Variants in BEND3 observed in about 807,000 individuals in gnomAD.
BEND3 encodes the protein BEN domain containing 3, also known as BEN domain-containing protein 3.
In BEND3, 13 loss-of-function variants were observed where a neutral mutation model predicts 60.1. The ratio of observed to expected loss-of-function variants is 0.22; its 90% CI spans 0.14 to 0.34. The LOEUF (loss-of-function observed/expected upper bound fraction) is 0.34. BEND3 is among the 10% of genes least tolerant of loss of function. The pLI is 1.00. For synonymous variants in BEND3, 497 were observed against 491.5 expected (o/e 1.01, Z -0.15); for missense variants, 896 against 1,138.1 (o/e 0.79, Z 3.06).
chr6:107,106,613 T>C (rs184973968), intron 1 of BEND3, among the ~76,000 whole-genome samples: 179 of 150,116 alleles, frequency 1.2e-3, no homozygotes, highest in African/African-American at 4.2e-3. Flanking sequence ...AGTTTTTTCA[T>C]TTTTTTTTTC....
intron 3 of BEND3, among the ~76,000 whole-genome samples, chr6:107,089,238 G>T (rs552257018): frequency 6.6e-6 from 1 of 152,020 alleles, no homozygotes; most frequent in African/African-American, 2.4e-5. Context: ...TTCCACATTC[G>T]TGATTCGAAA....
intron 3 of BEND3, among the ~76,000 whole-genome samples, chr6:107,087,677 CAG>C (rs1775381239): frequency 1.3e-5 from 2 of 151,108 alleles, no homozygotes; most frequent in South Asian, 4.1e-4. Context: ...GCGGAGGTTG[CAG>C]TGAGCTGAGA....
chr6:107,080,750 G>A (rs1248168589), intron 3 of BEND3, among the ~76,000 whole-genome samples: 1 of 151,884 alleles, frequency 6.6e-6, no homozygotes, highest in Non-Finnish European at 1.5e-5. Context: ...TGGGCGTGGT[G>A]GTGCGCACCT....
intron 3 of BEND3, among the ~76,000 whole-genome samples, chr6:107,091,075 A>G (rs1582659252): frequency 6.6e-6 from 1 of 151,722 alleles, no homozygotes; most frequent in Admixed American, 6.6e-5. Flanking sequence ...GCACCACTGC[A>G]CTCCTGCCTG....
At chr6:107,101,514 G>A (rs565903997) in intron 1 of BEND3, among the ~76,000 whole-genome samples, 42 of 152,164 alleles carry the variant, frequency 2.8e-4, no homozygotes, top group African/African-American at 9.6e-4. Flanking sequence ...ATTTTCAGAG[G>A]AATGAAAACC....
intron 3 of BEND3, among the ~76,000 whole-genome samples, chr6:107,073,583 C>T (rs2114998961): frequency 6.6e-6 from 1 of 152,180 alleles, no homozygotes; most frequent in South Asian, 2.1e-4. Context: ...GCAAAGTGTT[C>T]CACCATTCTC....
chr6:107,107,294 A>ACCTAC (rs1191863636), intron 1 of BEND3, among the ~76,000 whole-genome samples: 3 of 152,090 alleles, frequency 2.0e-5, no homozygotes, highest in Non-Finnish European at 4.4e-5. Flanking sequence ...CCAGCTGTTT[A>ACCTAC]CCTACCCATC....
chr6:107,112,240 A>G (rs1233645740), intron 1 of BEND3, among the ~76,000 whole-genome samples: 1 of 152,192 alleles, frequency 6.6e-6, no homozygotes, highest in Admixed American at 6.5e-5. Context: ...ACATTAATAT[A>G]GGATATTACA....
chr6:107,097,809 A>C (rs1775618925), intron 3 of BEND3, among the ~76,000 whole-genome samples: 1 of 151,158 alleles, frequency 6.6e-6, no homozygotes. Flanking sequence ...AAAAAAAAAA[A>C]AAAAAACCCC....
chr6:107,069,710 G>T lies in BEND3; in HGVS notation c.1481C>A (p.Pro494Gln). 6.2e-7 allele frequency: 1 copy of T among 1,610,246 alleles called. No homozygotes were observed. Residue 494 changes from proline to glutamine, a missense_variant, in exon 4 of 4, where the codon CCG (proline) becomes CAG (glutamine). Transcript: ENST00000369042. ...GGAGGAGTCGTAGCAGTCATCACGCGGGGGGTCGCCTTCACTGCCCGCGTC... is the reference window on the plus strand; with the variant it reads ...GGAGGAGTCGTAGCAGTCATCACGCTGGGGGTCGCCTTCACTGCCCGCGTC... Reference protein sequence around the residue: ...GLDAGSEGDPPRDDCYDSSSL... With the variant: ...GLDAGSEGDPQRDDCYDSSSL...
In BEND3 at chr6:107,115,174, T is replaced by G. The variant is rs1582682782; in HGVS notation, c.-96A>C. 7.0e-6 allele frequency: 1 copy of G among 143,452 alleles called. No individual in the cohort carries two copies. The highest frequency in any genetic ancestry group is 1.5e-5 in the Non-Finnish European group (1 of 65,358). The allele number at this position is 143,452 out of a possible 1,614,324, so 8.9% of individuals were successfully genotyped here. A position where few individuals can be genotyped will look rare whatever the true frequency, so the allele number is the denominator to read the frequency against. Reference sequence around the variant, plus strand: ...GGGGGGAGGGCGCGGGGCCGGGGAGTGGGGGCCGCGCGCGGAGGGCCTGGC... The same window carrying G: ...GGGGGGAGGGCGCGGGGCCGGGGAGGGGGGGCCGCGCGCGGAGGGCCTGGC... On this transcript the variant is annotated 5_prime_UTR_variant, in exon 1 of 4. Coordinates refer to ENST00000369042, the MANE Select transcript of BEND3 (RefSeq NM_001367314.1).
intron 1 of BEND3, among the ~76,000 whole-genome samples, chr6:107,100,505 G>T (rs2115029391): frequency 6.6e-6 from 1 of 152,180 alleles, no homozygotes; most frequent in South Asian, 2.1e-4. Context: ...CTGACCTCAT[G>T]ATCCGCCCAC....
chr6:107,071,771 C>T (rs782637304), intron 3 of BEND3, among the ~76,000 whole-genome samples: 5 of 152,076 alleles, frequency 3.3e-5, no homozygotes, highest in Non-Finnish European at 5.9e-5. Context: ...AAAAAGAGGT[C>T]GTAGTGTATG....
chr6:107,068,563 CA>C lies in BEND3; in HGVS notation c.*140del, dbSNP rs2114991065. The stretch of plus-strand genomic sequence containing the variant: ...GCGGTTGGGTGGGTGTTTACGTGTG[CA>C]AATGTAGTAAGCCACTCCCCACGGA... On this transcript the variant is annotated 3_prime_UTR_variant, in exon 4 of 4. Transcript: ENST00000369042. This position sits in a 1 kb window ranked among gnomAD's most constrained non-coding sequence, Gnocchi z 5.8. The C allele has an allele frequency of 2.2e-6, 2 of 924,364 alleles. No homozygotes were observed. Among genetic ancestry groups the C allele is most frequent in the Non-Finnish European group, 3.2e-6 (2 of 629,670 alleles). The allele number at this position is 924,364 out of a possible 1,614,324, so 57.3% of individuals were successfully genotyped here.
In BEND3 at chr6:107,084,096, C is replaced by T. The variant is rs79784322; in HGVS notation, c.241-13146G>A. On this transcript the variant is annotated intron_variant, in intron 3 of 3. Coordinates refer to ENST00000369042, the MANE Select transcript of BEND3 (RefSeq NM_001367314.1). ...ACACGTTTTCTTAAACCCGTAAGAC[C>T]GGTAAGGTCACAGGGCAAACCACTG... Among the ~76,000 whole-genome samples the T allele has an allele frequency of 3.3e-3, 499 of 152,248 alleles. 2 individuals carry two copies. Among genetic ancestry groups the T allele is most frequent in the African/African-American group, 0.011 (447 of 41,536 alleles).
At chr6:107,086,653 C>T (rs1775354907) in intron 3 of BEND3, among the ~76,000 whole-genome samples, 1 of 151,850 alleles carries the variant, frequency 6.6e-6, no homozygotes, top group African/African-American at 2.4e-5. Flanking sequence ...AGAATGCTGC[C>T]CTCCCCTTTC....
At position 107,094,121 on chromosome 6, in the gene BEND3, G is replaced by A. The variant is rs559512898; in HGVS notation, c.240+4430C>T. Among the ~76,000 whole-genome samples, 15 of 150,900 alleles carry A rather than the reference G, an allele frequency of 9.9e-5. No individual in the cohort carries two copies. In the South Asian group the frequency reaches 1.9e-3, roughly 19 times the overall value. ...TGTGGTGGCTCAAGCCTGTAATCCC[G>A]GCACTTTCGAAGGCTTCAGGCCAAA... is the stretch of plus-strand genomic sequence containing the variant. On this transcript the variant is annotated intron_variant, in intron 3 of 3. Transcript: ENST00000369042.
At chr6:107,081,222 C>T (rs1392070319) in intron 3 of BEND3, among the ~76,000 whole-genome samples, 1 of 128,448 alleles carries the variant, frequency 7.8e-6, no homozygotes, top group Non-Finnish European at 1.7e-5. Flanking sequence ...TTTACACAAA[C>T]TTTTTTTTTT....
At position 107,098,627 on chromosome 6, in the gene BEND3, C is replaced by G. The variant is rs1554236338; in HGVS notation, c.164G>C (p.Ser55Thr). Residue 55 changes from serine to threonine, a missense_variant, in exon 3 of 4, where the codon AGC becomes ACC. Coordinates refer to ENST00000369042, the MANE Select transcript of BEND3 (RefSeq NM_001367314.1). ...ATCGCTGACCAGCTGCTTTCGTTTG[C>G]TGGAGTCCTGCAGGGCAGTGAGGAC... is the stretch of plus-strand genomic sequence containing the variant. ...DSVLTALQDS[S>T]KRKQLVSDGL... 1 of 1,613,822 alleles carries G rather than the reference C, an allele frequency of 6.2e-7. No individual in the cohort carries two copies. The highest frequency in any genetic ancestry group is 1.3e-5 in the African/African-American group (1 of 74,942).
Sources: gnomAD v4.1 joint callset for allele counts (sites outside exome capture counted in the v4.1 genomes callset) on GRCh38, gnomAD v4.1.1 for gene constraint, Gnocchi (gnomAD v3.1) non-coding constraint, MANE v1.5 for transcripts, NCBI Gene and HGNC (gene_info 2026-07-23, HGNC 2026-07-21) for gene names.